CDK17: variants seen among roughly 807,000 people sequenced by gnomAD.
CDK17 encodes the protein cyclin-dependent kinase 17.
In CDK17, 24 loss-of-function variants were observed where a neutral mutation model predicts 77.6. That is an observed-to-expected ratio of 0.31 (90% CI 0.22 to 0.44). CDK17 has a LOEUF of 0.44. CDK17 is among the 20% of genes least tolerant of loss of function. CDK17 has a pLI of 1.00. For missense variants in CDK17, 429 were observed against 622.5 expected (o/e 0.69, Z 3.31); for synonymous variants, 203 against 210.4 (o/e 0.96, Z 0.30).
intron 5 of CDK17, 32 bp from the exon 6 acceptor site, chr12:96,300,392 T>TA: frequency 1.2e-5 from 15 of 1,292,662 alleles, no homozygotes; most frequent in Non-Finnish European, 1.6e-5. Flanking sequence ...ATGTAGTATT[T>TA]ACTTTTTTTT....
chr12:96,339,705 G>A (rs1287514883), intron 1 of CDK17, among the ~76,000 whole-genome samples: 1 of 151,932 alleles, frequency 6.6e-6, no homozygotes, highest in African/African-American at 2.4e-5. Context: ...CGAGGTGAGC[G>A]GATCACTTGA....
intron 7 of CDK17, 142 bp downstream of exon 7, chr12:96,298,723 GTATT>G (rs1361495699): frequency 2.1e-5 from 11 of 534,476 alleles, no homozygotes; most frequent in Non-Finnish European, 2.9e-5. Flanking sequence ...ATCCCTTTGA[GTATT>G]TGTTTTAGAA....
intron 2 of CDK17, among the ~76,000 whole-genome samples, chr12:96,325,391 A>T (rs1463099084): frequency 6.6e-6 from 1 of 152,188 alleles, no homozygotes; most frequent in Non-Finnish European, 1.5e-5. Flanking sequence ...CTGTTTCTCA[A>T]CTAAGGTTTC....
chr12:96,332,473 T>C (rs2137139462), intron 2 of CDK17, among the ~76,000 whole-genome samples: 1 of 152,356 alleles, frequency 6.6e-6, no homozygotes, highest in East Asian at 1.9e-4. Flanking sequence ...ATGGACTGTG[T>C]CTGTGTATGT....
chr12:96,321,874 G>C (rs1440156599), intron 3 of CDK17, among the ~76,000 whole-genome samples: 1 of 143,456 alleles, frequency 7.0e-6, no homozygotes, highest in African/African-American at 2.6e-5. Context: ...ACGAGTTAGT[G>C]GGTGCAGCGC....
At chr12:96,344,770 T>A (rs1029520974) in intron 1 of CDK17, among the ~76,000 whole-genome samples, 8 of 152,212 alleles carry the variant, frequency 5.3e-5, no homozygotes, top group Admixed American at 2.6e-4. Flanking sequence ...AAAGAGAGTA[T>A]TAACGCACTT....
chr12:96,388,246 G>C (rs990897388), intron 1 of CDK17, among the ~76,000 whole-genome samples: 1 of 152,178 alleles, frequency 6.6e-6, no homozygotes, highest in African/African-American at 2.4e-5. Flanking sequence ...CAGGGAAAAT[G>C]GTTCAAAGAA....
At chr12:96,399,378 C>T (rs1954222190) in intron 1 of CDK17, 1 of 152,434 alleles carries the variant, frequency 6.6e-6, no homozygotes, top group Non-Finnish European at 1.5e-5. Context: ...GGGTGTGACC[C>T]GCCAGCAGGA....
At chr12:96,385,148 C>T (rs10860030) in intron 1 of CDK17, among the ~76,000 whole-genome samples, 65,131 of 151,620 alleles carry the variant, frequency 0.43, 15,141 homozygotes, top group African/African-American at 0.6. Context: ...CCCGTCTCTA[C>T]TAAAAATACA....
At chr12:96,314,854 TTA>T (rs1952689603) in intron 3 of CDK17, among the ~76,000 whole-genome samples, 1 of 152,248 alleles carries the variant, frequency 6.6e-6, no homozygotes, top group South Asian at 2.1e-4. Flanking sequence ...GAGATCAGGC[TTA>T]GTCTTCAAAC....
At chr12:96,388,286 A>T (rs1954010604) in intron 1 of CDK17, among the ~76,000 whole-genome samples, 1 of 152,260 alleles carries the variant, frequency 6.6e-6, no homozygotes, top group Non-Finnish European at 1.5e-5. Context: ...GAAAGCTTAC[A>T]GATATGCTTA....
intron 3 of CDK17, among the ~76,000 whole-genome samples, chr12:96,314,761 G>T (rs1019048424): frequency 6.6e-6 from 1 of 152,204 alleles, no homozygotes; most frequent in East Asian, 1.9e-4. Context: ...CCAGAAAGAA[G>T]CATGTTGTTT....
At chr12:96,301,888 C>T (rs1174223980) in intron 5 of CDK17, among the ~76,000 whole-genome samples, 2 of 152,114 alleles carry the variant, frequency 1.3e-5, no homozygotes, top group African/African-American at 4.8e-5. Context: ...CTCAAAATAA[C>T]TGTTTTTATC....
intron 1 of CDK17, among the ~76,000 whole-genome samples, chr12:96,397,602 T>C (rs1954192447): frequency 6.6e-6 from 1 of 152,182 alleles, no homozygotes; most frequent in Non-Finnish European, 1.5e-5. Context: ...TTTTTCTCAT[T>C]GTAAATGTAA....
At position 96,345,156 on chromosome 12, in the gene CDK17, T is replaced by C. The variant is rs113170708; in HGVS notation, c.-29-10291A>G. On this transcript the variant is annotated intron_variant, in intron 1 of 16. Transcript: ENST00000261211. ...AACCATGTCCCTGCAAAGGACATGA[T>C]CTCATTCCTTTTTGTGGCTGAATAG... Among the ~76,000 whole-genome samples, 926 of 152,334 alleles carry C rather than the reference T, an allele frequency of 6.1e-3. 12 individuals carry two copies. Among genetic ancestry groups the C allele is most frequent in the African/African-American group, 0.02 (830 of 41,580 alleles).
intron 10 of CDK17, 99 bp from the exon 11 acceptor site, chr12:96,289,386 G>T: frequency 7.5e-7 from 1 of 1,341,474 alleles, no homozygotes; most frequent in Non-Finnish European, 1.1e-6. Context: ...TGCCTGAAAT[G>T]GTTAATTCGT....
chr12:96,335,008 C>G, intron 1 of CDK17, 143 bp from the exon 2 acceptor site: 1 of 681,220 alleles, frequency 1.5e-6, no homozygotes, highest in African/African-American at 1.8e-5. Context: ...AAATCCAACC[C>G]CTTTTTTAAA....
intron 1 of CDK17, among the ~76,000 whole-genome samples, chr12:96,336,566 T>TATTA (rs1470888481): frequency 2.0e-5 from 3 of 152,252 alleles, no homozygotes; most frequent in African/African-American, 7.2e-5. Flanking sequence ...TGCACTTTAA[T>TATTA]AAGGACTCTT....
At chr12:96,341,875 T>C (rs1953127168) in intron 1 of CDK17, among the ~76,000 whole-genome samples, 1 of 152,212 alleles carries the variant, frequency 6.6e-6, no homozygotes. Context: ...CAAGCTACTC[T>C]AATATAAAAG....
Sources: gnomAD v4.1 joint callset for allele counts (sites outside exome capture counted in the v4.1 genomes callset) on GRCh38, gnomAD v4.1.1 for gene constraint, MANE v1.5 for transcripts, NCBI Gene and HGNC (gene_info 2026-07-23, HGNC 2026-07-21) for gene names.